The following BNC2 variants were observed in gnomAD, a reference collection of about 807,000 sequenced individuals.
The protein encoded by BNC2 is zinc finger protein basonuclin-2.
Under a neutral mutation model 76.3 loss-of-function variants are expected in BNC2, and 20 were observed. The observed-to-expected ratio is 0.26, with a 90% CI of 0.18 to 0.38. The LOEUF is 0.38. Among genes scored for constraint, BNC2 ranks in the 10% least tolerant of loss-of-function variants. The pLI, the probability that BNC2 is intolerant of heterozygous loss-of-function variation, is 1.00. For synonymous variants in BNC2, 582 were observed against 514.8 expected, an observed-to-expected ratio of 1.13 and a Z score of -1.77; for missense variants, 1,382 against 1,399.8, an observed-to-expected ratio of 0.99 and a Z score of 0.20.
intron 5 of BNC2, among the ~76,000 whole-genome samples, chr9:16,486,564 A>G (rs1822168024): frequency 6.6e-6 from 1 of 152,286 alleles, no homozygotes; most frequent in East Asian, 1.9e-4. Flanking sequence ...CACTAACCCT[A>G]ATTTTCAGCT....
chr9:16,810,571 C>A (rs993310132), intron 1 of BNC2, among the ~76,000 whole-genome samples: 5 of 152,214 alleles, frequency 3.3e-5, no homozygotes, highest in African/African-American at 9.6e-5. Flanking sequence ...GACCCTGCAG[C>A]CAAATCCCAA....
intron 1 of BNC2, among the ~76,000 whole-genome samples, chr9:16,798,305 C>T (rs1015788024): frequency 3.9e-5 from 6 of 152,168 alleles, no homozygotes; most frequent in African/African-American, 9.7e-5. Context: ...TGGCTCTAGG[C>T]TGTGAACTCA....
At chr9:16,743,234 G>GT (rs79982383) in intron 1 of BNC2, among the ~76,000 whole-genome samples, 14,136 of 152,146 alleles carry the variant, frequency 0.093, 846 homozygotes, top group Admixed American at 0.19. Flanking sequence ...GATGACTTGA[G>GT]TGTACAAGCT....
intron 3 of BNC2, among the ~76,000 whole-genome samples, chr9:16,629,862 G>A (rs1176202744): frequency 6.6e-6 from 1 of 152,218 alleles, no homozygotes; most frequent in Admixed American, 6.5e-5. Context: ...AGATGTTGAT[G>A]GCTGCTGATT....
At chr9:16,726,477 TG>T (rs1472153876) in intron 3 of BNC2, among the ~76,000 whole-genome samples, 7 of 146,510 alleles carry the variant, frequency 4.8e-5, no homozygotes, top group African/African-American at 7.8e-5. Flanking sequence ...CCTGGCAAAT[TG>T]TTTTTTTTTT....
chr9:16,770,487 G>A (rs558693292), intron 1 of BNC2, among the ~76,000 whole-genome samples: 9 of 152,214 alleles, frequency 5.9e-5, no homozygotes, highest in Non-Finnish European at 1.2e-4. Flanking sequence ...AGCCAGAAAG[G>A]AACCAAAATG....
At chr9:16,819,822 T>A (rs1818274700) in intron 1 of BNC2, among the ~76,000 whole-genome samples, 1 of 151,794 alleles carries the variant, frequency 6.6e-6, no homozygotes, top group African/African-American at 2.4e-5. Context: ...TATTTTTTTT[T>A]TATCTCTAAA....
chr9:16,484,332 A>C (rs1211048109), intron 5 of BNC2, among the ~76,000 whole-genome samples: 2 of 152,174 alleles, frequency 1.3e-5, no homozygotes, highest in East Asian at 1.9e-4. Context: ...AGAGTGCTCG[A>C]GGCGAAGATG....
chr9:16,490,258 C>CT (rs1346880059), intron 5 of BNC2, among the ~76,000 whole-genome samples: 2 of 152,078 alleles, frequency 1.3e-5, no homozygotes, highest in East Asian at 1.9e-4. Flanking sequence ...AGAGGCACTT[C>CT]TAACATGGCA....
In BNC2 at chr9:16,409,940, A is replaced by T. The variant is rs1820426720; in HGVS notation, c.*9049T>A. 1 of 152,450 alleles carries T rather than the reference A, an allele frequency of 6.6e-6. No individual in the cohort carries two copies. The highest frequency in any genetic ancestry group is 6.5e-5 in the Admixed American group (1 of 15,288). The allele number at this position is 152,450 out of a possible 1,614,324, so 9.4% of individuals were successfully genotyped here. A position where few individuals can be genotyped will look rare whatever the true frequency, so the allele number is the denominator to read the frequency against. On this transcript the variant is annotated 3_prime_UTR_variant, in exon 7 of 7. Coordinates refer to ENST00000380672, the MANE Select transcript of BNC2 (RefSeq NM_017637.6). ...ACAATATAAACAAAAAAAAGGAATA[A>T]ACAGCTAAACTCTGGGAGAGGGAGA...
At chr9:16,754,668 C>T (rs1486473577) in intron 1 of BNC2, among the ~76,000 whole-genome samples, 1 of 152,178 alleles carries the variant, frequency 6.6e-6, no homozygotes, top group Non-Finnish European at 1.5e-5. Context: ...AGCGATTCTC[C>T]TGCCTCAGCC....
rs192850906 is a variant in BNC2 at position 16,594,144 on chromosome 9, A to C, written c.331-11059T>G. On this transcript the variant is annotated intron_variant, in intron 3 of 6. Coordinates refer to ENST00000380672, the MANE Select transcript of BNC2 (RefSeq NM_017637.6). ...CTTATAAACCTTTAAGCACTTTACAAAGAAACTATTCCTCATTAAGCAAGA... is the reference window on the plus strand; with the variant it reads ...CTTATAAACCTTTAAGCACTTTACACAGAAACTATTCCTCATTAAGCAAGA... 3.6e-3 allele frequency among the ~76,000 whole-genome samples: 548 copies of C among 152,296 alleles called. 3 individuals carry two copies. Among genetic ancestry groups the C allele is most frequent in the African/African-American group, 0.012 (511 of 41,570 alleles).
At chr9:16,750,498 A>G (rs2135268395) in intron 1 of BNC2, among the ~76,000 whole-genome samples, 1 of 152,312 alleles carries the variant, frequency 6.6e-6, no homozygotes, top group African/African-American at 2.4e-5. Flanking sequence ...TCATCTATAC[A>G]TTTGACCAGT....
intron 5 of BNC2, among the ~76,000 whole-genome samples, chr9:16,544,512 CAT>C (rs1818412576): frequency 1.3e-5 from 2 of 152,016 alleles, no homozygotes; most frequent in Non-Finnish European, 2.9e-5. Context: ...ATGACAGTGT[CAT>C]ATATAGAATA....
chr9:16,793,215 A>G (rs938214063), intron 1 of BNC2, among the ~76,000 whole-genome samples: 2 of 152,194 alleles, frequency 1.3e-5, no homozygotes, highest in Admixed American at 6.5e-5. Flanking sequence ...TTTTTAGACT[A>G]TTTCTCAACA....
chr9:16,807,495 G>A (rs1301588402), intron 1 of BNC2, among the ~76,000 whole-genome samples: 1 of 152,116 alleles, frequency 6.6e-6, no homozygotes. Context: ...TAAAAAAGAT[G>A]GAAGTTTTAC....
At chr9:16,540,989 A>G (rs2891071) in intron 5 of BNC2, among the ~76,000 whole-genome samples, 42,995 of 152,148 alleles carry the variant, frequency 0.28, 7,367 homozygotes, top group Non-Finnish European at 0.39. Flanking sequence ...CACACAGCCA[A>G]TCAAAACCCT....
At chr9:16,775,990 G>C (rs1647712456) in intron 1 of BNC2, 1 of 152,202 alleles carries the variant, frequency 6.6e-6, no homozygotes, top group Non-Finnish European at 1.5e-5. Flanking sequence ...CGCAGCTGCT[G>C]CCTCAGCAGG....
At chr9:16,611,865 T>C (rs967618742) in intron 3 of BNC2, among the ~76,000 whole-genome samples, 2 of 152,158 alleles carry the variant, frequency 1.3e-5, no homozygotes, top group Non-Finnish European at 2.9e-5. Context: ...AGTAAATTTA[T>C]CATATAAATG....
Sources: gnomAD v4.1 joint callset for allele counts (sites outside exome capture counted in the v4.1 genomes callset) on GRCh38, gnomAD v4.1.1 for gene constraint, MANE v1.5 for transcripts, NCBI Gene and HGNC (gene_info 2026-07-23, HGNC 2026-07-21) for gene names.